PRKN: variants seen among roughly 807,000 people sequenced by gnomAD.
The protein encoded by PRKN is E3 ubiquitin-protein ligase parkin.
In PRKN, 56 loss-of-function variants were observed where a neutral mutation model predicts 59.5. The observed-to-expected ratio is 0.94, with a 90% CI of 0.76 to 1.18. PRKN has a LOEUF of 1.18. Among genes scored for constraint, PRKN ranks in the 50% most tolerant of loss-of-function variants. PRKN has a pLI of 0.00. For synonymous variants in PRKN, 250 were observed against 222.1 expected (o/e 1.13, Z -1.12); for missense variants, 657 against 596.4 (o/e 1.10, Z -1.06).
At chr6:162,020,345 A>C (rs1041665634) in intron 5 of PRKN, among the ~76,000 whole-genome samples, 4 of 151,304 alleles carry the variant, frequency 2.6e-5, no homozygotes, top group South Asian at 2.1e-4. Flanking sequence ...AAAAAAAAAA[A>C]AAAAAAAAAA....
At position 161,503,862 on chromosome 6, in the gene PRKN, T is replaced by G. The variant is rs1199616900; in HGVS notation, c.1083+44992A>C. Among the ~76,000 whole-genome samples, 1 of 152,176 alleles carries G rather than the reference T, an allele frequency of 6.6e-6. No homozygotes were observed. The highest frequency in any genetic ancestry group is 1.5e-5 in the Non-Finnish European group (1 of 68,034). On this transcript the variant is annotated intron_variant, in intron 9 of 11. Coordinates refer to ENST00000366898, the MANE Select transcript of PRKN (RefSeq NM_004562.3). The surrounding 1 kb of genome is among the most constrained non-coding windows in gnomAD (Gnocchi z 5.1). ...AATCCACAGGCTTCTATTCTGATAA[T>G]GATGATTATATCACCACCAGAGTCC... is the stretch of plus-strand genomic sequence containing the variant.
At chr6:161,556,449 A>G (rs1340892612) in intron 8 of PRKN, among the ~76,000 whole-genome samples, 1 of 152,218 alleles carries the variant, frequency 6.6e-6, no homozygotes, top group African/African-American at 2.4e-5. Context: ...TAATTTAGTC[A>G]TGTAATTACA....
chr6:162,560,152 TTA>T (rs1554244524), intron 1 of PRKN, among the ~76,000 whole-genome samples: 1 of 152,136 alleles, frequency 6.6e-6, no homozygotes, highest in Non-Finnish European at 1.5e-5. Flanking sequence ...AATAAAGAGG[TTA>T]TAATTAGGTT....
At position 162,239,463 on chromosome 6, in the gene PRKN, A is replaced by T. The variant is rs556733308; in HGVS notation, c.412+23062T>A. On this transcript the variant is annotated intron_variant, in intron 3 of 11. Coordinates refer to ENST00000366898, the MANE Select transcript of PRKN (RefSeq NM_004562.3). ...TTTTCCATTTTATAGATGATTAAAT[A>T]GAGGCCCGGCATGGTTAAGCGGCAA... Among the ~76,000 whole-genome samples the T allele has an allele frequency of 9.2e-5, 14 of 152,252 alleles. No homozygotes were observed. In the East Asian group the frequency reaches 2.5e-3, roughly 27 times the overall value.
chr6:161,727,874 C>T (rs577482051), intron 7 of PRKN, among the ~76,000 whole-genome samples: 17 of 152,282 alleles, frequency 1.1e-4, no homozygotes, highest in African/African-American at 4.1e-4. Flanking sequence ...TTACTTTTCT[C>T]TGAATAACAA....
chr6:162,539,184 C>G (rs881830), intron 1 of PRKN, among the ~76,000 whole-genome samples: 67,138 of 151,842 alleles, frequency 0.44, 17,069 homozygotes, highest in Non-Finnish European at 0.58. Context: ...TCCATGTAAA[C>G]ATTTTTTTTT....
At chr6:161,452,947 C>T (rs1328578020) in intron 9 of PRKN, among the ~76,000 whole-genome samples, 2 of 151,956 alleles carry the variant, frequency 1.3e-5, no homozygotes, top group African/African-American at 4.8e-5. Flanking sequence ...CACTATTGTG[C>T]TCTTAAGATA....
At chr6:161,585,496 T>C (rs1298534858) in intron 7 of PRKN, among the ~76,000 whole-genome samples, 2 of 152,206 alleles carry the variant, frequency 1.3e-5, no homozygotes, top group Non-Finnish European at 2.9e-5. Flanking sequence ...CCCAAGACTA[T>C]TCTAAACGCC....
At chr6:161,641,522 T>A (rs1214216643) in intron 7 of PRKN, among the ~76,000 whole-genome samples, 1 of 152,180 alleles carries the variant, frequency 6.6e-6, no homozygotes, top group Non-Finnish European at 1.5e-5. Flanking sequence ...CAAATTATCC[T>A]TAAAAGTCCC....
intron 6 of PRKN, among the ~76,000 whole-genome samples, chr6:161,926,131 C>T (rs1243028519): frequency 6.6e-6 from 1 of 152,156 alleles, no homozygotes; most frequent in Non-Finnish European, 1.5e-5. Flanking sequence ...GAGTCTACCT[C>T]TAAGTAAATG....
intron 7 of PRKN, among the ~76,000 whole-genome samples, chr6:161,631,776 CA>C (rs1783321767): frequency 6.7e-6 from 1 of 149,008 alleles, no homozygotes; most frequent in Non-Finnish European, 1.5e-5. Context: ...CAGACAAACA[CA>C]CACACACACA....
intron 7 of PRKN, among the ~76,000 whole-genome samples, chr6:161,629,009 A>C (rs2128153704): frequency 6.6e-6 from 1 of 152,296 alleles, no homozygotes; most frequent in African/African-American, 2.4e-5. Flanking sequence ...GGGCAGGCAA[A>C]GGAGTGCAGA....
intron 1 of PRKN, among the ~76,000 whole-genome samples, chr6:162,531,626 G>A (rs899779489): frequency 6.6e-6 from 1 of 150,576 alleles, no homozygotes; most frequent in African/African-American, 2.4e-5. Context: ...GATCCATCAA[G>A]TGCAGGGTCT....
chr6:162,644,081 G>A (rs1778070394), intron 1 of PRKN, among the ~76,000 whole-genome samples: 1 of 152,150 alleles, frequency 6.6e-6, no homozygotes, highest in Admixed American at 6.6e-5. Flanking sequence ...ACTCCAAGTA[G>A]GTTGAACGCT....
chr6:161,999,371 T>C (rs1781962796), intron 5 of PRKN, among the ~76,000 whole-genome samples: 1 of 152,080 alleles, frequency 6.6e-6, no homozygotes, highest in Admixed American at 6.6e-5. Flanking sequence ...ACTGTTGCTG[T>C]AACAGCATCA....
intron 1 of PRKN, among the ~76,000 whole-genome samples, chr6:162,462,531 A>G (rs1288169886): frequency 6.6e-6 from 1 of 152,018 alleles, no homozygotes; most frequent in Non-Finnish European, 1.5e-5. Context: ...ATGTGTGTGG[A>G]TGTGTGCGTA....
At chr6:161,774,381 A>AACACACACACACAC (rs1562673354) in intron 7 of PRKN, among the ~76,000 whole-genome samples, 1 of 89,102 alleles carries the variant, frequency 1.1e-5, no homozygotes, top group African/African-American at 3.6e-5. Flanking sequence ...CTACTCCCTG[A>AACACACACACACAC]GCACACACAC....
At chr6:162,285,527 C>T (rs557956297) in intron 2 of PRKN, among the ~76,000 whole-genome samples, 5 of 151,814 alleles carry the variant, frequency 3.3e-5, no homozygotes, top group South Asian at 4.2e-4. Flanking sequence ...GTAGGATCTT[C>T]GCAATTACAC....
At chr6:162,214,530 C>T (rs530796855) in intron 3 of PRKN, among the ~76,000 whole-genome samples, 1 of 152,270 alleles carries the variant, frequency 6.6e-6, no homozygotes, top group Admixed American at 6.5e-5. Context: ...CCAGTTCTGT[C>T]CAGTGGTTAT....
Sources: gnomAD v4.1 joint callset for allele counts (sites outside exome capture counted in the v4.1 genomes callset) on GRCh38, gnomAD v4.1.1 for gene constraint, Gnocchi (gnomAD v3.1) non-coding constraint, MANE v1.5 for transcripts, NCBI Gene and HGNC (gene_info 2026-07-23, HGNC 2026-07-21) for gene names.